The following USP28 variants were observed in gnomAD, a reference collection of about 807,000 sequenced individuals.
The protein encoded by USP28 is ubiquitin carboxyl-terminal hydrolase 28.
USP28 carries 113 observed loss-of-function variants against 145.0 expected under a neutral mutation model. The ratio of observed to expected loss-of-function variants is 0.78; its 90% CI spans 0.67 to 0.91. The LOEUF is 0.91. USP28 is among the 40% of genes least tolerant of loss of function. The pLI, the probability that USP28 is intolerant of heterozygous loss-of-function variation, is 0.00. For missense variants in USP28, 1,201 were observed against 1,289.6 expected, an observed-to-expected ratio of 0.93 and a Z score of 1.05; for synonymous variants, 447 against 450.9, an observed-to-expected ratio of 0.99 and a Z score of 0.11.
chr11:113,844,670 C>T (rs1056344424), intron 3 of USP28, among the ~76,000 whole-genome samples: 4 of 152,120 alleles, frequency 2.6e-5, no homozygotes, highest in Non-Finnish European at 2.9e-5. Flanking sequence ...CATCACTAAT[C>T]ATCAGAAAAA....
chr11:113,869,207 C>T (rs967599332), intron 1 of USP28, among the ~76,000 whole-genome samples: 23 of 152,206 alleles, frequency 1.5e-4, no homozygotes, highest in African/African-American at 5.3e-4. Flanking sequence ...CCAAGGCAGA[C>T]GGATCACCGG....
intron 7 of USP28, 107 bp from the exon 8 acceptor site, chr11:113,832,100 TTC>T: frequency 1.1e-6 from 1 of 938,306 alleles, no homozygotes; most frequent in Non-Finnish European, 1.6e-6. Context: ...ATAAAAGCAT[TTC>T]TTTTTTTCTT....
chr11:113,841,542 C>G (rs1945191921), intron 4 of USP28, 121 bp downstream of exon 4: 2 of 610,498 alleles, frequency 3.3e-6, no homozygotes, highest in Admixed American at 3.1e-5. Flanking sequence ...TTCAAAATTT[C>G]TCCTAAAAGA....
intron 22 of USP28, 113 bp from the exon 24 acceptor site, chr11:113,803,394 G>C: frequency 7.9e-7 from 1 of 1,258,010 alleles, no homozygotes; most frequent in Non-Finnish European, 1.1e-6. Context: ...CTGAAAAAGT[G>C]AAGGACCAAA....
intron 1 of USP28, among the ~76,000 whole-genome samples, chr11:113,874,005 G>A (rs1565532717): frequency 6.6e-6 from 1 of 151,834 alleles, no homozygotes; most frequent in Non-Finnish European, 1.5e-5. Context: ...GCTGGGCGTG[G>A]TGGCACGCGC....
chr11:113,855,806 G>A (rs1259434417), intron 1 of USP28, among the ~76,000 whole-genome samples: 2 of 152,216 alleles, frequency 1.3e-5, no homozygotes, highest in African/African-American at 4.8e-5. Context: ...AGCTACTCAG[G>A]AGGCTGAGGC....
intron 10 of USP28, 39 bp downstream of exon 10, chr11:113,829,158 C>T (rs750612761): frequency 2.5e-6 from 4 of 1,603,460 alleles, no homozygotes; most frequent in Non-Finnish European, 2.6e-6. Context: ...ACTTAACTGG[C>T]TTTGTCACTG....
rs547665461 is a variant in USP28 at position 113,813,871 on chromosome 11, A to G, written c.1743+14T>C. On this transcript the variant is annotated intron_variant, in intron 15 of 24. Transcript: ENST00000003302. ...CACATGCCTTGACTACTTTCCCATC[A>G]ATTTTCATTCTACCTGACGAAGGAG... 4.5e-5 allele frequency: 72 copies of G among 1,609,870 alleles called. No homozygotes were observed. The highest frequency in any genetic ancestry group is 5.9e-5 in the Non-Finnish European group (70 of 1,176,932).
Position 113,813,866 on chromosome 11 carries a change from C to T in USP28, c.1743+19G>A, listed in dbSNP as rs112186486. 1.2e-5 allele frequency: 19 copies of T among 1,606,430 alleles called. No individual in the cohort carries two copies. Among genetic ancestry groups the T allele is most frequent in the African/African-American group, 9.4e-5 (7 of 74,856 alleles). ...ATTAGCACATGCCTTGACTACTTTC[C>T]CATCAATTTTCATTCTACCTGACGA... On this transcript the variant is annotated intron_variant, in intron 15 of 24. Transcript: ENST00000003302.
At chr11:113,830,654 A>T (rs1018660919) in intron 9 of USP28, among the ~76,000 whole-genome samples, 2 of 152,164 alleles carry the variant, frequency 1.3e-5, no homozygotes, top group African/African-American at 2.4e-5. Context: ...AATCTGAGAT[A>T]AAGATTGTGC....
intron 1 of USP28, among the ~76,000 whole-genome samples, chr11:113,874,179 C>T (rs1001501688): frequency 6.8e-6 from 1 of 146,862 alleles, no homozygotes; most frequent in Non-Finnish European, 1.5e-5. Flanking sequence ...AGACTGGGCG[C>T]GGTGGCTCAC....
At chr11:113,824,329 T>G (rs1943045820) in intron 11 of USP28, among the ~76,000 whole-genome samples, 1 of 152,056 alleles carries the variant, frequency 6.6e-6, no homozygotes, top group Non-Finnish European at 1.5e-5. Flanking sequence ...AATATTATTA[T>G]TATTTTTGAG....
In USP28 at chr11:113,841,788, T is replaced by C; in HGVS notation, c.269-20A>G. 1 of 1,551,388 alleles carries C rather than the reference T, an allele frequency of 6.4e-7. No individual in the cohort carries two copies. The highest frequency in any genetic ancestry group is 8.9e-7 in the Non-Finnish European group (1 of 1,129,060). On this transcript the variant is annotated intron_variant, in intron 3 of 24. Coordinates refer to ENST00000003302, the Ensembl canonical transcript of USP28. ...TAACTTCTGTAAGATAAACAGAAAT[T>C]TAATTAGTCTATATATAGGAAACAC...
intron 1 of USP28, among the ~76,000 whole-genome samples, chr11:113,863,444 G>C (rs1440514687): frequency 2.0e-5 from 3 of 151,738 alleles, no homozygotes; most frequent in African/African-American, 7.3e-5. Context: ...TGAAGTGTTC[G>C]AGACCAGCCT....
At chr11:113,813,938 C>T in exon 15 of USP28, 1 of 1,608,300 alleles carries the variant, frequency 6.2e-7, no homozygotes, top group African/African-American at 1.3e-5. Context: ...GTAGTACTTG[C>T]AATACAAGTC....
exon 17 of USP28, chr11:113,809,199 T>G: frequency 6.2e-7 from 1 of 1,614,158 alleles, no homozygotes; most frequent in Non-Finnish European, 8.5e-7. Context: ...AATGCTTGAG[T>G]TCCACAGATA....
chr11:113,837,511 CAT>C (rs1212400736), intron 5 of USP28, among the ~76,000 whole-genome samples: 8 of 152,246 alleles, frequency 5.3e-5, no homozygotes, highest in Non-Finnish European at 8.8e-5. Flanking sequence ...GGGACCATTA[CAT>C]GTCTTCTTTG....
chr11:113,824,785 G>A (rs372404441), intron 11 of USP28, among the ~76,000 whole-genome samples: 6 of 151,862 alleles, frequency 4.0e-5, no homozygotes, highest in African/African-American at 1.4e-4. Context: ...TACAAAATTA[G>A]CTGGGCGTTG....
At chr11:113,811,930 T>C (rs1032836551) in intron 16 of USP28, among the ~76,000 whole-genome samples, 2 of 152,160 alleles carry the variant, frequency 1.3e-5, no homozygotes, top group Admixed American at 6.6e-5. Flanking sequence ...AATACTCGAT[T>C]AATGAAAAAG....
Sources: allele counts gnomAD v4.1 joint callset (sites outside exome capture counted in the v4.1 genomes callset), GRCh38; gene constraint gnomAD v4.1.1; transcripts MANE v1.5; gene names NCBI Gene and HGNC (gene_info 2026-07-23, HGNC 2026-07-21).